Variants in NKAIN3 observed in about 807,000 individuals in gnomAD.
The protein encoded by NKAIN3 is sodium/potassium transporting ATPase interacting 3.
NKAIN3 carries 25 observed loss-of-function variants against 30.2 expected under a neutral mutation model. The observed-to-expected ratio is 0.83, with a 90% confidence interval of 0.60 to 1.16. The LOEUF is 1.16. Among genes scored for constraint, NKAIN3 ranks in the 50% most tolerant of loss-of-function variants. The pLI is 0.00. For missense variants in NKAIN3, 225 were observed against 254.1 expected (o/e 0.89, Z 0.78); for synonymous variants, 91 against 89.6 (o/e 1.02, Z -0.09).
chr8:62,341,032 A>C (rs1175846461), intron 1 of NKAIN3, among the ~76,000 whole-genome samples: 1 of 152,044 alleles, frequency 6.6e-6, no homozygotes, highest in Non-Finnish European at 1.5e-5. Context: ...TTTTAACTAC[A>C]TGCTTCAGTG....
At chr8:62,703,813 A>AT (rs967780800) in intron 3 of NKAIN3, among the ~76,000 whole-genome samples, 8 of 152,252 alleles carry the variant, frequency 5.3e-5, no homozygotes, top group South Asian at 4.1e-4. Flanking sequence ...GCATAACATC[A>AT]TTTTTTCATT....
At chr8:62,851,194 A>G (rs1819884512) in intron 4 of NKAIN3, among the ~76,000 whole-genome samples, 1 of 152,076 alleles carries the variant, frequency 6.6e-6, no homozygotes, top group African/African-American at 2.4e-5. Flanking sequence ...TTGGATTGCT[A>G]GGTATTTTAT....
At chr8:62,695,675 A>C (rs553203171) in intron 3 of NKAIN3, among the ~76,000 whole-genome samples, 1 of 152,320 alleles carries the variant, frequency 6.6e-6, no homozygotes, top group African/African-American at 2.4e-5. Flanking sequence ...TTTGGGAATA[A>C]TAAACATGGA....
chr8:62,595,002 C>T (rs1267326973), intron 3 of NKAIN3, among the ~76,000 whole-genome samples: 1 of 151,878 alleles, frequency 6.6e-6, no homozygotes, highest in Non-Finnish European at 1.5e-5. Flanking sequence ...AAGACCACTG[C>T]CGTGAATATT....
intron 1 of NKAIN3, among the ~76,000 whole-genome samples, chr8:62,262,332 T>C (rs1371862901): frequency 6.6e-6 from 1 of 152,202 alleles, no homozygotes; most frequent in African/African-American, 2.4e-5. Context: ...AGACCAAGTA[T>C]TTTGCAGTTT....
chr8:62,806,322 A>C (rs1818279528), intron 4 of NKAIN3, among the ~76,000 whole-genome samples: 1 of 152,244 alleles, frequency 6.6e-6, no homozygotes, highest in South Asian at 2.1e-4. Flanking sequence ...CGAAAGGACT[A>C]TAATCCATGC....
intron 1 of NKAIN3, among the ~76,000 whole-genome samples, chr8:62,398,483 T>G (rs1225917527): frequency 2.6e-5 from 4 of 152,252 alleles, no homozygotes; most frequent in Non-Finnish European, 5.9e-5. Context: ...GAACTTCCAT[T>G]GCATAGGCAG....
rs73683424 is a variant in NKAIN3, at chr8:62,769,887, C to T, written c.471+22758C>T. On this transcript the variant is annotated intron_variant, in intron 4 of 6. Transcript: ENST00000623646. ...TATCTTCTATCCTAGAATATGTAGA[C>T]ACTGTGGGCCCCAATTAACTTTCTC... 9.8e-3 allele frequency among the ~76,000 whole-genome samples: 1,485 copies of T among 152,268 alleles called. 22 individuals carry two copies. Among genetic ancestry groups the T allele is most frequent in the African/African-American group, 0.034 (1,404 of 41,542 alleles).
At chr8:62,405,793 A>G (rs1181285073) in intron 1 of NKAIN3, among the ~76,000 whole-genome samples, 1 of 152,158 alleles carries the variant, frequency 6.6e-6, no homozygotes, top group Non-Finnish European at 1.5e-5. Flanking sequence ...GTTCCCATGG[A>G]GATGATCATC....
At chr8:62,921,820 G>C (rs990456134) in intron 5 of NKAIN3, among the ~76,000 whole-genome samples, 5 of 152,164 alleles carry the variant, frequency 3.3e-5, no homozygotes, top group African/African-American at 1.2e-4. Flanking sequence ...TGCTGAAAAT[G>C]AACTTGAGGA....
intron 4 of NKAIN3, among the ~76,000 whole-genome samples, chr8:62,799,936 G>A (rs1352526619): frequency 6.6e-6 from 1 of 152,154 alleles, no homozygotes; most frequent in East Asian, 1.9e-4. Flanking sequence ...TATTCTAAGT[G>A]AAGTAACTCA....
At chr8:62,950,899 T>C (rs961477648) in intron 5 of NKAIN3, among the ~76,000 whole-genome samples, 1 of 150,588 alleles carries the variant, frequency 6.6e-6, no homozygotes, top group Non-Finnish European at 1.5e-5. Context: ...ATTTCTACCA[T>C]AGTCTTATCA....
intron 1 of NKAIN3, among the ~76,000 whole-genome samples, chr8:62,517,322 A>C (rs963082826): frequency 1.3e-5 from 2 of 152,152 alleles, no homozygotes; most frequent in Admixed American, 6.6e-5. Flanking sequence ...CCAAACTCTG[A>C]AAGTTTATTT....
chr8:62,641,077 A>G (rs542564490), intron 3 of NKAIN3, among the ~76,000 whole-genome samples: 9 of 152,030 alleles, frequency 5.9e-5, no homozygotes, highest in Non-Finnish European at 1.3e-4. Flanking sequence ...GTACTATCTT[A>G]GAGCTTATTA....
intron 1 of NKAIN3, among the ~76,000 whole-genome samples, chr8:62,506,476 C>CTTTCTTTCTTTTTT (rs71559373): frequency 8.4e-4 from 83 of 98,452 alleles, no homozygotes; most frequent in South Asian, 1.5e-3. Context: ...TTCTTTCTTT[C>CTTTCTTTCTTTTTT]TTTTTTTTTT....
chr8:62,562,492 T>TCTA (rs1198892594), intron 1 of NKAIN3, among the ~76,000 whole-genome samples: 1 of 152,166 alleles, frequency 6.6e-6, no homozygotes, highest in African/African-American at 2.4e-5. Flanking sequence ...AAGGACACAT[T>TCTA]CTACTGTCAG....
chr8:62,794,784 G>A (rs951327598), intron 4 of NKAIN3, among the ~76,000 whole-genome samples: 2 of 152,216 alleles, frequency 1.3e-5, no homozygotes, highest in African/African-American at 4.8e-5. Context: ...TGGTAGAAAT[G>A]AGGAGTAGCT....
chr8:62,585,729 C>T (rs1379292899), intron 2 of NKAIN3, among the ~76,000 whole-genome samples: 1 of 152,124 alleles, frequency 6.6e-6, no homozygotes, highest in African/African-American at 2.4e-5. Flanking sequence ...TTGGGAACCC[C>T]TGCTTTAGGG....
At chr8:62,905,422 G>A (rs1356384292) in intron 4 of NKAIN3, among the ~76,000 whole-genome samples, 1 of 152,118 alleles carries the variant, frequency 6.6e-6, no homozygotes, top group African/African-American at 2.4e-5. Flanking sequence ...TTAAGAAGAT[G>A]TGTATTGCCA....
Sources: allele counts gnomAD v4.1 joint callset (sites outside exome capture counted in the v4.1 genomes callset), GRCh38; gene constraint gnomAD v4.1.1; transcripts MANE v1.5; gene names NCBI Gene and HGNC (gene_info 2026-07-23, HGNC 2026-07-21).